TTC39C: variants seen among roughly 807,000 people sequenced by gnomAD.
The protein encoded by TTC39C is tetratricopeptide repeat domain 39C.
TTC39C carries 33 observed loss-of-function variants against 76.3 expected under a neutral mutation model. The observed-to-expected ratio is 0.43, with a 90% CI of 0.33 to 0.58. The LOEUF (loss-of-function observed/expected upper bound fraction) is 0.58, where lower values mean the gene tolerates loss of function less well. TTC39C is among the 20% of genes least tolerant of loss of function. The pLI is 0.04. For synonymous variants in TTC39C, 254 were observed against 260.6 expected (o/e 0.97, Z 0.24); for missense variants, 595 against 701.4 (o/e 0.85, Z 1.71).
In TTC39C at chr18:24,123,954, G is replaced by C; in HGVS notation, c.1296+11G>C. 1 of 1,590,826 alleles carries C rather than the reference G, an allele frequency of 6.3e-7. No homozygotes were observed. Among genetic ancestry groups the C allele is most frequent in the South Asian group, 1.1e-5 (1 of 89,480 alleles). On this transcript the variant is annotated intron_variant, in intron 9 of 13. Transcript: ENST00000317571. The stretch of plus-strand genomic sequence containing the variant: ...TTCTCGGTGAAAAAGGTATGTTGGA[G>C]CCTATTGATCTGGTGTATTACTTAT...
At chr18:24,028,505 T>C (rs1232737981) in intron 1 of TTC39C, among the ~76,000 whole-genome samples, 2 of 152,190 alleles carry the variant, frequency 1.3e-5, no homozygotes, top group Non-Finnish European at 2.9e-5. Flanking sequence ...CTGTGAATAG[T>C]ATGTAAACCC....
intron 6 of TTC39C, among the ~76,000 whole-genome samples, chr18:24,096,928 T>C (rs2084597168): frequency 6.6e-6 from 1 of 152,222 alleles, no homozygotes; most frequent in Admixed American, 6.5e-5. Flanking sequence ...AATTTAACCA[T>C]GTCAGTGCAG....
chr18:24,129,116 T>C (rs2085089341), intron 11 of TTC39C, 133 bp downstream of exon 11: 1 of 580,814 alleles, frequency 1.7e-6, no homozygotes, highest in Non-Finnish European at 2.9e-6. Context: ...AATTATTTGA[T>C]TAATGCCATC....
intron 1 of TTC39C, among the ~76,000 whole-genome samples, chr18:24,054,747 TATAC>T (rs2083995608): frequency 6.6e-6 from 1 of 152,250 alleles, no homozygotes; most frequent in Non-Finnish European, 1.5e-5. Flanking sequence ...TGTGGTAAAA[TATAC>T]ATAACAAAAT....
intron 1 of TTC39C, among the ~76,000 whole-genome samples, chr18:24,045,927 A>ATAT (rs1568417525): frequency 5.1e-4 from 13 of 25,674 alleles, no homozygotes; most frequent in African/African-American, 8.4e-4. Context: ...ATATATATAT[A>ATAT]TTTTTTTTTT....
chr18:24,029,901 GA>G (rs1337997096), intron 1 of TTC39C, among the ~76,000 whole-genome samples: 5 of 152,144 alleles, frequency 3.3e-5, no homozygotes, highest in Admixed American at 1.3e-4. Flanking sequence ...TCCATTCATT[GA>G]TTGATGGAAA....
At chr18:23,992,927 G>A (rs2083231245) in exon 1 of TTC39C, 1 of 152,198 alleles carries the variant, frequency 6.6e-6, no homozygotes, top group Admixed American at 6.5e-5. Flanking sequence ...AACCCCTCCA[G>A]CACCTACACA....
chr18:24,126,415 G>C (rs954206531), intron 10 of TTC39C, among the ~76,000 whole-genome samples: 1 of 110,328 alleles, frequency 9.1e-6, no homozygotes, highest in South Asian at 3.1e-4. Context: ...AATCCCTTTT[G>C]CCTATTTCTT....
chr18:24,071,003 A>G (rs191573568), intron 4 of TTC39C, among the ~76,000 whole-genome samples: 238 of 152,040 alleles, frequency 1.6e-3, no homozygotes, highest in African/African-American at 5.6e-3. Context: ...ATCTTGGTTC[A>G]CTGCAACCTC....
At chr18:24,109,954 C>T (rs961243177) in intron 6 of TTC39C, among the ~76,000 whole-genome samples, 9 of 151,690 alleles carry the variant, frequency 5.9e-5, no homozygotes, top group Non-Finnish European at 1.0e-4. Flanking sequence ...TGCAGTGAGC[C>T]GAGCCGAGAT....
intron 1 of TTC39C, among the ~76,000 whole-genome samples, chr18:24,023,947 C>CTATATAT (rs1568408676): frequency 1.6e-5 from 1 of 64,084 alleles, no homozygotes; most frequent in African/African-American, 8.1e-5. Flanking sequence ...TATATATATG[C>CTATATAT]ATGTATATAT....
intron 1 of TTC39C, among the ~76,000 whole-genome samples, chr18:24,042,809 G>A (rs901592631): frequency 8.5e-5 from 13 of 152,084 alleles, no homozygotes; most frequent in Non-Finnish European, 1.2e-4. Flanking sequence ...GTATATTTAC[G>A]CAGTGTAAAT....
At chr18:23,998,497 C>G (rs2083286241) in intron 1 of TTC39C, among the ~76,000 whole-genome samples, 1 of 152,080 alleles carries the variant, frequency 6.6e-6, no homozygotes, top group Admixed American at 6.6e-5. Context: ...GTAATCCCAG[C>G]TACTTGGGAG....
At chr18:24,021,239 C>A (rs1191804213) in intron 1 of TTC39C, among the ~76,000 whole-genome samples, 4 of 152,170 alleles carry the variant, frequency 2.6e-5, no homozygotes, top group African/African-American at 9.7e-5. Flanking sequence ...TGAAAGGAGT[C>A]AGGTGGGGTA....
At chr18:24,108,024 G>A (rs889675110) in intron 6 of TTC39C, among the ~76,000 whole-genome samples, 1 of 152,174 alleles carries the variant, frequency 6.6e-6, no homozygotes, top group Non-Finnish European at 1.5e-5. Context: ...AAAATAGAAT[G>A]TGCTTATGTT....
intron 4 of TTC39C, among the ~76,000 whole-genome samples, chr18:24,073,370 T>C (rs148590433): frequency 6.6e-6 from 1 of 152,262 alleles, no homozygotes; most frequent in Non-Finnish European, 1.5e-5. Context: ...GAGCTGAGAT[T>C]CTCACACTCC....
chr18:24,074,979 G>T (rs201056624), intron 4 of TTC39C, among the ~76,000 whole-genome samples: 1 of 152,122 alleles, frequency 6.6e-6, no homozygotes, highest in East Asian at 1.9e-4. Flanking sequence ...CCATAAAAAA[G>T]GATGAGTTCA....
At chr18:24,042,942 A>G (rs1020790150) in intron 1 of TTC39C, among the ~76,000 whole-genome samples, 1 of 152,152 alleles carries the variant, frequency 6.6e-6, no homozygotes, top group African/African-American at 2.4e-5. Context: ...AGCAGATACC[A>G]TGACTCTCAT....
intron 6 of TTC39C, among the ~76,000 whole-genome samples, chr18:24,098,041 A>C (rs1030162549): frequency 1.3e-5 from 2 of 152,172 alleles, no homozygotes; most frequent in African/African-American, 2.4e-5. Context: ...TAAAACAAGA[A>C]TATCATGATT....
Sources: gnomAD v4.1 joint callset for allele counts (sites outside exome capture counted in the v4.1 genomes callset) on GRCh38, gnomAD v4.1.1 for gene constraint, MANE v1.5 for transcripts, NCBI Gene and HGNC (gene_info 2026-07-23, HGNC 2026-07-21) for gene names.